PCBD1: variants seen among roughly 807,000 people sequenced by gnomAD.
The protein encoded by PCBD1 is pterin-4 alpha-carbinolamine dehydratase 1.
PCBD1 carries 16 observed loss-of-function variants against 12.6 expected under a neutral mutation model. The ratio of observed to expected loss-of-function variants is 1.27; its 90% confidence interval spans 0.86 to 1.93. The LOEUF is 1.93. Among genes scored for constraint, PCBD1 ranks in the 30% most tolerant of loss-of-function variants. The probability of loss-of-function intolerance (pLI) is 0.00; values close to 1 mark genes in which losing one functional copy is unlikely to be tolerated. For missense variants in PCBD1, 86 were observed against 130.1 expected (o/e 0.66, Z 1.65); for synonymous variants, 53 against 50.2 (o/e 1.05, Z -0.23).
At chr10:70,883,444 TC>T, downstream of PCBD1, 1 of 858,892 alleles carries the variant, frequency 1.2e-6, no homozygotes, top group Non-Finnish European at 1.4e-6. Context: ...GGAAGTGCTT[TC>T]ATTTAAATGC....
In PCBD1 at chr10:70,883,531, T is replaced by C. The variant is rs1350870563; in HGVS notation, c.*419A>G. 6.4e-6 allele frequency: 7 copies of C among 1,095,878 alleles called. No individual in the cohort carries two copies. The highest frequency in any genetic ancestry group is 1.6e-5 in the African/African-American group (1 of 61,352). 67.9% of individuals were successfully genotyped at this position (1,095,878 alleles called of 1,614,324 possible). ...GAGACCAAGTGATATAATAGTTTTA[T>C]TTGAGACATAAAAACACATGTGTTT... is the stretch of plus-strand genomic sequence containing the variant. On this transcript the variant is annotated 3_prime_UTR_variant, in exon 4 of 4. Transcript: ENST00000299299.
intron 1 of PCBD1, 123 bp from the exon 2 acceptor site, chr10:70,886,052 C>T: frequency 1.5e-6 from 2 of 1,316,450 alleles, no homozygotes; most frequent in South Asian, 2.5e-5. Context: ...GACCAAAGGG[C>T]AGCAGGTCTT....
intron 1 of PCBD1, 24 bp from the exon 2 acceptor site, chr10:70,885,953 G>T: frequency 6.2e-7 from 1 of 1,612,266 alleles, no homozygotes; most frequent in Non-Finnish European, 8.5e-7. Context: ...AAAAACAGAG[G>T]CCCAAGGGCA....
chr10:70,885,762 C>G, intron 2 of PCBD1, 36 bp downstream of exon 2: 1 of 1,612,856 alleles, frequency 6.2e-7, no homozygotes. Context: ...CCCATCAGCC[C>G]GTCTCAGAAA....
Position 70,888,477 on chromosome 10 carries a change from C to A in PCBD1, c.3+54G>T, listed in dbSNP as rs554953810. ...CGCCCCTTCCCGCTCCCACCTCGCCCGCGGCTGCCCCGGCCCCGCTGCCCC... is the reference window on the plus strand; with the variant it reads ...CGCCCCTTCCCGCTCCCACCTCGCCAGCGGCTGCCCCGGCCCCGCTGCCCC... On this transcript the variant is annotated intron_variant, in intron 1 of 3. Coordinates refer to ENST00000299299, the MANE Select transcript of PCBD1 (RefSeq NM_000281.4). The A allele has an allele frequency of 2.2e-5, 32 of 1,457,950 alleles. No homozygotes were observed. The South Asian group carries it at 4.0e-4, about 18-fold the overall frequency. The allele number at this position is 1,457,950 out of a possible 1,614,324, so 90.3% of individuals were successfully genotyped here.
chr10:70,887,268 T>C (rs964811450), intron 1 of PCBD1, among the ~76,000 whole-genome samples: 2 of 152,114 alleles, frequency 1.3e-5, no homozygotes, highest in African/African-American at 4.8e-5. Flanking sequence ...CCTGGTAGCA[T>C]TTGGGGTAGC....
chr10:70,885,968 T>G (rs1193632443), intron 1 of PCBD1, 39 bp from the exon 2 acceptor site: 1 of 1,608,834 alleles, frequency 6.2e-7, no homozygotes, highest in Non-Finnish European at 8.5e-7. Flanking sequence ...AGGGCATTTC[T>G]CTTTATAGGT....
chr10:70,883,970 C>G lies in PCBD1; in HGVS notation c.295G>C (p.Val99Leu), dbSNP rs749873972. ...AGGGTCTATGTCATGGACACTGCTA[C>G]TTGTTCGATGAAGCTGGCCAGGTTT... ...DINLASFIEQ[V>L]AVSMT Residue 99 changes from valine to leucine, a missense_variant, in exon 4 of 4, where the codon GTA becomes CTA. Coordinates refer to ENST00000299299, the MANE Select transcript of PCBD1 (RefSeq NM_000281.4). 1 of 1,613,966 alleles carries G rather than the reference C, an allele frequency of 6.2e-7. No homozygotes were observed. Among genetic ancestry groups the G allele is most frequent in the African/African-American group, 1.3e-5 (1 of 74,924 alleles).
chr10:70,886,057 G>A, intron 1 of PCBD1, 128 bp from the exon 2 acceptor site: 2 of 1,278,896 alleles, frequency 1.6e-6, no homozygotes, highest in Middle Eastern at 2.4e-4. Context: ...AAGGGCAGCA[G>A]GTCTTTGAGC....
At chr10:70,887,007 T>A (rs561643263) in intron 1 of PCBD1, among the ~76,000 whole-genome samples, 1 of 152,182 alleles carries the variant, frequency 6.6e-6, no homozygotes, top group South Asian at 2.1e-4. Flanking sequence ...GGGGAGGGAA[T>A]GTGAGGGAGG....
intron 1 of PCBD1, among the ~76,000 whole-genome samples, 176 bp from the exon 2 acceptor site, chr10:70,886,105 G>A (rs1341423674): frequency 1.3e-5 from 2 of 152,188 alleles, no homozygotes; most frequent in Admixed American, 1.3e-4. Context: ...ACCCTGCCCA[G>A]GAGGTGGGGT....
chr10:70,882,970 T>C (rs1846522341), downstream of PCBD1, among the ~76,000 whole-genome samples: 1 of 152,250 alleles, frequency 6.6e-6, no homozygotes, highest in Non-Finnish European at 1.5e-5. Context: ...GGGCATCATG[T>C]TGGCATTCAA....
chr10:70,888,291 G>A, intron 1 of PCBD1: 1 of 382,394 alleles, frequency 2.6e-6, no homozygotes, highest in Non-Finnish European at 4.6e-6. Context: ...ACTGGCCGGG[G>A]TCAGGGCAGG....
At chr10:70,884,516 C>A (rs1463589078) in intron 3 of PCBD1, among the ~76,000 whole-genome samples, 16 of 119,566 alleles carry the variant, frequency 1.3e-4, no homozygotes, top group African/African-American at 5.2e-4. Context: ...GAGTCTTGCT[C>A]TGTCTCCCAG....
chr10:70,885,664 C>T lies in PCBD1; in HGVS notation c.135+134G>A, dbSNP rs559992979. 20 of 1,129,280 alleles carry T rather than the reference C, an allele frequency of 1.8e-5. No homozygotes were observed. In the South Asian group the frequency reaches 2.0e-4, roughly 11 times the overall value. 70.0% of individuals were successfully genotyped at this position (1,129,280 alleles called of 1,614,324 possible). ...ACAGGAAAATTAATTTCCCCACTGG[C>T]ACAGTGCCCAAATAACTGGATGAGT... On this transcript the variant is annotated intron_variant, in intron 2 of 3. Coordinates refer to ENST00000299299, the MANE Select transcript of PCBD1 (RefSeq NM_000281.4).
intron 1 of PCBD1, chr10:70,887,883 T>G (rs1460686467): frequency 6.6e-6 from 1 of 152,172 alleles, no homozygotes; most frequent in Non-Finnish European, 1.5e-5. Context: ...CCAGAAATGG[T>G]CTGATGAAGC....
intron 3 of PCBD1, among the ~76,000 whole-genome samples, chr10:70,884,478 A>ATT (rs71012255): frequency 0.21 from 22,727 of 108,402 alleles, 4,216 homozygotes; most frequent in East Asian, 0.46. Context: ...ATGTGTCTGT[A>ATT]TTTTTTTTTT....
At chr10:70,885,580 G>GC (rs1846569035) in intron 2 of PCBD1, among the ~76,000 whole-genome samples, 1 of 152,218 alleles carries the variant, frequency 6.6e-6, no homozygotes, top group Non-Finnish European at 1.5e-5. Context: ...GGAAGGGAGA[G>GC]CCCAAGACAC....
At chr10:70,883,440 G>A, downstream of PCBD1, 1 of 799,980 alleles carries the variant, frequency 1.3e-6, no homozygotes, top group Non-Finnish European at 1.6e-6. Flanking sequence ...CAGAGGAAGT[G>A]CTTTCATTTA....
Sources: allele counts gnomAD v4.1 joint callset (sites outside exome capture counted in the v4.1 genomes callset), GRCh38; gene constraint gnomAD v4.1.1; transcripts MANE v1.5; gene names NCBI Gene and HGNC (gene_info 2026-07-23, HGNC 2026-07-21).